The following SEPHS1 variants were observed in gnomAD, a reference collection of about 807,000 sequenced individuals.
The protein encoded by SEPHS1 is selenophosphate synthetase 1, also known as zincore component SEPHS1.
SEPHS1 carries 7 observed loss-of-function variants against 39.2 expected under a neutral mutation model. The observed-to-expected ratio is 0.18, with a 90% CI of 0.10 to 0.34. SEPHS1 has a LOEUF of 0.34. Among genes scored for constraint, SEPHS1 ranks in the 10% least tolerant of loss-of-function variants. The probability of loss-of-function intolerance (pLI) is 1.00; values close to 1 mark genes in which losing one functional copy is unlikely to be tolerated. For missense variants in SEPHS1, 253 were observed against 514.5 expected (o/e 0.49, Z 4.92); for synonymous variants, 190 against 195.5 (o/e 0.97, Z 0.23).
chr10:13,321,229 C>T (rs765777638), intron 8 of SEPHS1, among the ~76,000 whole-genome samples: 1 of 150,440 alleles, frequency 6.6e-6, no homozygotes, highest in Non-Finnish European at 1.5e-5. Context: ...TTTTGGGAGG[C>T]TGGGGCTAGG....
At chr10:13,336,555 A>T in intron 3 of SEPHS1, 1 of 595,976 alleles carries the variant, frequency 1.7e-6, no homozygotes. Context: ...TTTTTCTCAG[A>T]CATTCCTGTT....
chr10:13,319,387 T>C, intron 8 of SEPHS1, 31 bp from the exon 9 acceptor site: 1 of 1,607,666 alleles, frequency 6.2e-7, no homozygotes, highest in Non-Finnish European at 8.5e-7. Context: ...TGACTGTTAG[T>C]GTTGACATGA....
intron 6 of SEPHS1, among the ~76,000 whole-genome samples, chr10:13,328,856 G>A (rs756766610): frequency 4.6e-5 from 7 of 152,200 alleles, no homozygotes; most frequent in South Asian, 2.1e-4. Flanking sequence ...GCACCTCTGC[G>A]CAACATCCCC....
intron 4 of SEPHS1, among the ~76,000 whole-genome samples, chr10:13,335,980 CAAAAAA>C (rs1266329760): frequency 1.1e-5 from 1 of 93,466 alleles, no homozygotes; most frequent in South Asian, 3.9e-4. Context: ...ACTCCTGTCT[CAAAAAA>C]AAAAAAAAAA....
chr10:13,327,055 T>C (rs1588536511), intron 7 of SEPHS1, among the ~76,000 whole-genome samples: 1 of 151,696 alleles, frequency 6.6e-6, no homozygotes, highest in African/African-American at 2.4e-5. Context: ...CTGGCCAACA[T>C]AGTGAAACCC....
At chr10:13,337,252 C>T (rs2130680460) in intron 3 of SEPHS1, among the ~76,000 whole-genome samples, 1 of 152,016 alleles carries the variant, frequency 6.6e-6, no homozygotes, top group East Asian at 1.9e-4. Context: ...AAAAAATACC[C>T]AGGGCTGAAG....
intron 4 of SEPHS1, among the ~76,000 whole-genome samples, chr10:13,335,285 T>G (rs768164010): frequency 6.6e-6 from 1 of 152,024 alleles, no homozygotes; most frequent in Non-Finnish European, 1.5e-5. Flanking sequence ...GCAGAGGGAG[T>G]GCCCTCTAAG....
chr10:13,338,061 G>A (rs998055323), intron 3 of SEPHS1, among the ~76,000 whole-genome samples: 5 of 152,174 alleles, frequency 3.3e-5, no homozygotes, highest in African/African-American at 1.2e-4. Context: ...GGATCAAAGG[G>A]TGGCTGGCTG....
chr10:13,334,236 G>C (rs891194481), intron 4 of SEPHS1, among the ~76,000 whole-genome samples: 11 of 151,952 alleles, frequency 7.2e-5, no homozygotes, highest in African/African-American at 2.4e-4. Context: ...CTTTCTCTAC[G>C]AAACATGTAA....
At chr10:13,329,965 T>A (rs1046386389) in intron 5 of SEPHS1, among the ~76,000 whole-genome samples, 177 bp from the exon 6 acceptor site, 4 of 152,248 alleles carry the variant, frequency 2.6e-5, no homozygotes, top group Admixed American at 2.6e-4. Flanking sequence ...CTGAGGCTAT[T>A]GCTGGAACAA....
chr10:13,332,349 G>A (rs956562475), intron 5 of SEPHS1, among the ~76,000 whole-genome samples: 16 of 152,192 alleles, frequency 1.1e-4, no homozygotes, highest in African/African-American at 3.9e-4. Flanking sequence ...CACATTCTTG[G>A]TTGCCAGAGG....
At chr10:13,328,276 T>C in intron 7 of SEPHS1, 75 bp downstream of exon 7, 2 of 1,016,280 alleles carry the variant, frequency 2.0e-6, no homozygotes, top group Non-Finnish European at 3.0e-6. Context: ...CCTGAGACAG[T>C]ATGTGGCCAG....
chr10:13,336,762 T>C (rs1454638986), intron 3 of SEPHS1, among the ~76,000 whole-genome samples: 1 of 151,552 alleles, frequency 6.6e-6, no homozygotes, highest in Non-Finnish European at 1.5e-5. Context: ...AAAGAAAAGT[T>C]GGAAACAGCC....
At chr10:13,325,329 C>T (rs1307497499) in intron 7 of SEPHS1, among the ~76,000 whole-genome samples, 1 of 152,004 alleles carries the variant, frequency 6.6e-6, no homozygotes, top group Non-Finnish European at 1.5e-5. Context: ...GCTCTGTGTC[C>T]CCACCTAAAT....
At chr10:13,327,342 C>G (rs1274488777) in intron 7 of SEPHS1, among the ~76,000 whole-genome samples, 4 of 148,082 alleles carry the variant, frequency 2.7e-5, no homozygotes, top group African/African-American at 1.0e-4. Flanking sequence ...AATACATATA[C>G]TAACCATTAC....
At chr10:13,341,060 A>T (rs7916194) in intron 2 of SEPHS1, among the ~76,000 whole-genome samples, 28,593 of 152,202 alleles carry the variant, frequency 0.19, 5,335 homozygotes, top group African/African-American at 0.49. Context: ...GATTTTTGTT[A>T]TCGGGTTTTT....
rs376044027 is a variant in SEPHS1, at chr10:13,339,471, T to C, written c.194-663A>G. ...GATACGCTACTCCTTGTCTTGGAGA[T>C]AAGGCTGTACTCCTTTAAAAATTAC... On this transcript the variant is annotated intron_variant, in intron 2 of 8. Coordinates refer to ENST00000327347, the MANE Select transcript of SEPHS1 (RefSeq NM_012247.5). Among the ~76,000 whole-genome samples the C allele has an allele frequency of 6.6e-5, 10 of 152,172 alleles. No homozygotes were observed. In the South Asian group the frequency reaches 2.1e-3, roughly 32 times the overall value.
intron 2 of SEPHS1, among the ~76,000 whole-genome samples, chr10:13,342,347 G>A (rs1234494222): frequency 2.6e-5 from 4 of 152,110 alleles, no homozygotes; most frequent in Admixed American, 2.6e-4. Context: ...TTGGGAGGCT[G>A]AGGTGGGTGG....
At chr10:13,325,962 A>AT (rs1267092579) in intron 7 of SEPHS1, among the ~76,000 whole-genome samples, 3,052 of 67,766 alleles carry the variant, frequency 0.045, 119 homozygotes, top group Middle Eastern at 0.08. Context: ...AAAAAAAAAA[A>AT]AATAATAATA....
Sources: gnomAD v4.1 joint callset for allele counts (sites outside exome capture counted in the v4.1 genomes callset) on GRCh38, gnomAD v4.1.1 for gene constraint, MANE v1.5 for transcripts, NCBI Gene and HGNC (gene_info 2026-07-23, HGNC 2026-07-21) for gene names.